ROBO1: variants seen among roughly 807,000 people sequenced by gnomAD.
ROBO1 encodes roundabout homolog 1.
A neutral mutation model predicts 195.9 loss-of-function variants in ROBO1; 149 were observed. The observed-to-expected ratio is 0.76, with a 90% CI of 0.67 to 0.87. The LOEUF is 0.87. Among genes scored for constraint, ROBO1 ranks in the 40% least tolerant of loss-of-function variants. The pLI, the probability that ROBO1 is intolerant of heterozygous loss-of-function variation, is 0.00. For synonymous variants in ROBO1, 816 were observed against 733.2 expected (o/e 1.11, Z -1.82); for missense variants, 1,933 against 2,068.3 (o/e 0.93, Z 1.27).
At chr3:79,634,436 T>TCAA (rs137888666) in intron 1 of ROBO1, among the ~76,000 whole-genome samples, 2,239 of 152,230 alleles carry the variant, frequency 0.015, 54 homozygotes, top group African/African-American at 0.049. Context: ...CTGCCAACAT[T>TCAA]CAACAGTCTT....
intron 3 of ROBO1, among the ~76,000 whole-genome samples, chr3:78,943,780 T>C (rs1041990664): frequency 3.3e-5 from 5 of 152,200 alleles, no homozygotes; most frequent in African/African-American, 7.2e-5. Flanking sequence ...TTGAGGAGAA[T>C]GAATAGGATC....
chr3:79,085,176 A>T (rs2079345061), intron 3 of ROBO1, among the ~76,000 whole-genome samples: 2 of 152,216 alleles, frequency 1.3e-5, no homozygotes, highest in African/African-American at 4.8e-5. Flanking sequence ...ACCTTCCAAA[A>T]TTCAATATCC....
intron 3 of ROBO1, among the ~76,000 whole-genome samples, chr3:79,053,736 C>T (rs1455001583): frequency 6.6e-6 from 1 of 152,050 alleles, no homozygotes; most frequent in Non-Finnish European, 1.5e-5. Flanking sequence ...CTTATCTACA[C>T]ATGCTTTTCC....
At chr3:79,613,568 A>G (rs1944730060) in intron 1 of ROBO1, among the ~76,000 whole-genome samples, 2 of 152,078 alleles carry the variant, frequency 1.3e-5, no homozygotes, top group African/African-American at 4.8e-5. Flanking sequence ...AATTGCATGA[A>G]GTGTATATAT....
intron 4 of ROBO1, among the ~76,000 whole-genome samples, chr3:78,776,817 G>T (rs1052582000): frequency 1.3e-4 from 20 of 152,104 alleles, no homozygotes; most frequent in Non-Finnish European, 1.5e-4. Flanking sequence ...GAACTGTTTT[G>T]TGCTTGAATT....
intron 2 of ROBO1, among the ~76,000 whole-genome samples, chr3:79,505,375 C>T (rs912839513): frequency 1.3e-5 from 2 of 151,866 alleles, no homozygotes; most frequent in Non-Finnish European, 2.9e-5. Flanking sequence ...TGCCAAATTG[C>T]GACAATGATA....
intron 4 of ROBO1, among the ~76,000 whole-genome samples, chr3:78,827,158 G>A (rs907149941): frequency 6.6e-6 from 1 of 151,990 alleles, no homozygotes; most frequent in African/African-American, 2.4e-5. Context: ...TGTTTCAATT[G>A]GGTAGGAAAA....
At chr3:79,133,792 G>A (rs1351558563) in intron 2 of ROBO1, among the ~76,000 whole-genome samples, 2 of 135,618 alleles carry the variant, frequency 1.5e-5, no homozygotes, top group Non-Finnish European at 3.1e-5. Context: ...TTTCTGTTCT[G>A]TTTTTTCCCC....
chr3:79,309,896 G>A lies in ROBO1; in HGVS notation c.89-184357C>T, dbSNP rs535147194. ...ACCACAACATAATAGTAGAAATAAA[G>A]ATAAATTCTAAATCTAAAATTTAGA... On this transcript the variant is annotated intron_variant, in intron 2 of 30. Transcript: ENST00000464233. 2.0e-5 allele frequency among the ~76,000 whole-genome samples: 3 copies of A among 152,212 alleles called. No individual in the cohort carries two copies. In the East Asian group the frequency reaches 5.8e-4, roughly 29 times the overall value.
At chr3:78,658,411 C>T (rs1472078314) in intron 17 of ROBO1, among the ~76,000 whole-genome samples, 6 of 152,206 alleles carry the variant, frequency 3.9e-5, no homozygotes, top group Non-Finnish European at 5.9e-5. Flanking sequence ...CTGCCTCAGC[C>T]TCCTGAGTAG....
Position 78,647,649 on chromosome 3 carries a change from G to A in ROBO1, c.2819C>T (p.Ser940Phe), listed in dbSNP as rs777443030. 4 of 1,611,420 alleles carry A rather than the reference G, an allele frequency of 2.5e-6. No individual in the cohort carries two copies. Among genetic ancestry groups the A allele is most frequent in the African/African-American group, 1.3e-5 (1 of 74,820 alleles). ...TATACCTGTTGGTGTGAAGGTAAAA[G>A]ACGGGACTGAAAAATCAAAACAAAA... ...STYAGIRKVP[S>F]FTFTPTVTYQ... The change falls in exon 20 of 31, where the codon TCT becomes TTT. Residue 940 changes from serine (S) to phenylalanine (F), a missense_variant. Physicochemically the swap from Ser to Phe is radical, Grantham distance 155 (BLOSUM62 -2). Coordinates refer to ENST00000464233, the MANE Select transcript of ROBO1 (RefSeq NM_002941.4).
At chr3:79,187,681 A>G (rs1285383860) in intron 2 of ROBO1, among the ~76,000 whole-genome samples, 1 of 151,986 alleles carries the variant, frequency 6.6e-6, no homozygotes, top group Non-Finnish European at 1.5e-5. Flanking sequence ...GACACATTTT[A>G]ATCTGGCTCG....
rs1414980638 is a variant in ROBO1, at chr3:79,595,247, G to A, written c.-50-5286C>T. On this transcript the variant is annotated intron_variant, in intron 1 of 30. Transcript: ENST00000464233. ...AAGAAAGGTTTGAAAATATATTTTA[G>A]GAGAATCTTGTTCCATGGATTATTA... 6.6e-5 allele frequency among the ~76,000 whole-genome samples: 10 copies of A among 151,870 alleles called. No individual in the cohort carries two copies. In the East Asian group the frequency reaches 1.9e-3, roughly 29 times the overall value.
intron 2 of ROBO1, among the ~76,000 whole-genome samples, chr3:79,467,805 A>G (rs754231819): frequency 7.2e-5 from 11 of 152,284 alleles, no homozygotes; most frequent in Non-Finnish European, 1.2e-4. Flanking sequence ...GGAACATTGT[A>G]ACACCCCTAG....
chr3:79,617,978 G>A (rs1450219974), intron 1 of ROBO1, among the ~76,000 whole-genome samples: 6 of 150,908 alleles, frequency 4.0e-5, no homozygotes, highest in Non-Finnish European at 8.9e-5. Flanking sequence ...TTTACAAAAT[G>A]TAGTTGAAAG....
At chr3:79,386,591 T>C (rs1330052131) in intron 2 of ROBO1, among the ~76,000 whole-genome samples, 1 of 152,088 alleles carries the variant, frequency 6.6e-6, no homozygotes, top group African/African-American at 2.4e-5. Flanking sequence ...TGACAGGGCA[T>C]TCAAGCAGAG....
chr3:79,433,135 C>A (rs202151600), intron 2 of ROBO1, among the ~76,000 whole-genome samples: 1 of 152,026 alleles, frequency 6.6e-6, no homozygotes, highest in African/African-American at 2.4e-5. Flanking sequence ...GGTATTAAGG[C>A]CAGTATCTAT....
chr3:79,700,243 G>T (rs1424400764), intron 1 of ROBO1, among the ~76,000 whole-genome samples: 1 of 150,644 alleles, frequency 6.6e-6, no homozygotes, highest in African/African-American at 2.4e-5. Flanking sequence ...AGGTAGCTAG[G>T]TTGATTTCAT....
At chr3:78,611,335 T>C (rs1703792649) in intron 28 of ROBO1, among the ~76,000 whole-genome samples, 1 of 152,196 alleles carries the variant, frequency 6.6e-6, no homozygotes, top group South Asian at 2.1e-4. Flanking sequence ...TTAAATCAAC[T>C]ATGTAAATGC....
Sources: gnomAD v4.1 joint callset for allele counts (sites outside exome capture counted in the v4.1 genomes callset) on GRCh38, gnomAD v4.1.1 for gene constraint, MANE v1.5 for transcripts, NCBI Gene and HGNC (gene_info 2026-07-23, HGNC 2026-07-21) for gene names.